Variants in CLN3 observed in about 807,000 individuals in gnomAD.
The protein encoded by CLN3 is battenin.
A neutral mutation model predicts 60.7 loss-of-function variants in CLN3; 49 were observed. That is an observed-to-expected ratio of 0.81 (90% CI 0.64 to 1.02). CLN3 has a LOEUF of 1.02. Ranked by LOEUF, CLN3 falls within the 50% of genes least tolerant of loss-of-function variation. CLN3 has a pLI of 0.00. For missense variants in CLN3, 516 were observed against 557.4 expected (o/e 0.93, Z 0.75); for synonymous variants, 256 against 245.8 (o/e 1.04, Z -0.39).
At chr16:28,468,806 CAAAAAAAA>C in the CLN3 span, among the ~76,000 whole-genome samples, 2 of 24,410 alleles carry the variant, frequency 8.2e-5, no homozygotes, top group African/African-American at 2.7e-4. Context: ...GACTCTGTCT[CAAAAAAAA>C]AAAAAAAAAA....
chr16:28,488,365 G>A (rs2046257663), intron 5 of CLN3: 1 of 365,372 alleles, frequency 2.7e-6, no homozygotes, highest in Non-Finnish European at 4.8e-6. Flanking sequence ...TTTAAGATGG[G>A]GGTCTCACTA....
At position 28,482,179 on chromosome 16, in the gene CLN3, C is replaced by A; in HGVS notation, c.982G>T (p.Ala328Ser). ...GAAGAGCGGGAGGCAAAGACGCCAG[C>A]CTGGTACAGCATCTGGTACCTGAGG... ...QYRWYQMLYQ[A>S]GVFASRSSLR... Residue 328 changes from alanine (A) to serine (S), a missense_variant, in exon 14 of 16, where the codon GCT becomes TCT. Physicochemically the swap from Ala to Ser is moderately conservative, Grantham distance 99 (BLOSUM62 1). Coordinates refer to ENST00000636147, the MANE Select transcript of CLN3 (RefSeq NM_001042432.2). The A allele has an allele frequency of 6.2e-7, 1 of 1,613,432 alleles. No individual in the cohort carries two copies. Among genetic ancestry groups the A allele is most frequent in the African/African-American group, 1.3e-5 (1 of 75,008 alleles).
rs745948575 is a variant in CLN3, at chr16:28,484,035, A to G, written c.761T>C (p.Ile254Thr). ...CTTCGACTCCGGGGCCTCGGTTCTT[A>G]TGAGGGGCTGCCGGGCTGCGCTCTC... ...EAESAARQPLIRTEAPESKPG... is the reference protein window; with the variant it reads ...EAESAARQPLTRTEAPESKPG... Residue 254 changes from isoleucine (I) to threonine (T), a missense_variant, in exon 10 of 16, where the codon ATA becomes ACA. Transcript: ENST00000636147. The G allele has an allele frequency of 1.9e-6, 3 of 1,611,664 alleles. No homozygotes were observed. Among genetic ancestry groups the G allele is most frequent in the Non-Finnish European group, 2.5e-6 (3 of 1,179,108 alleles).
At position 28,492,049 on chromosome 16, in the gene CLN3, T is replaced by C. The variant is rs910324159; in HGVS notation, c.-106A>G. ...AAGAGCAGCAGAATGTTCTGCACTA[T>C]GCAGAGGCCGTTTGTCGGATCACGT... On this transcript the variant is annotated 5_prime_UTR_variant, in exon 1 of 16. Coordinates refer to ENST00000636147, the MANE Select transcript of CLN3 (RefSeq NM_001042432.2). The C allele has an allele frequency of 1.3e-5, 7 of 527,186 alleles. No homozygotes were observed. The highest frequency in any genetic ancestry group is 7.6e-5 in the African/African-American group (4 of 52,574). 32.7% of individuals were successfully genotyped at this position (527,186 alleles called of 1,614,324 possible). A position where few individuals can be genotyped will look rare whatever the true frequency, so the allele number is the denominator to read the frequency against.
At position 28,477,466 on chromosome 16, in the gene CLN3, G is replaced by C; in HGVS notation, c.*50C>G. On this transcript the variant is annotated 3_prime_UTR_variant, in exon 16 of 16. Transcript: ENST00000636147. ...TGGGGTGGGCCTGGGTGTCTGACCT[G>C]TCCCTCTGCCCACAGGTGAATGTGA... The C allele has an allele frequency of 6.2e-7, 1 of 1,610,874 alleles. No individual in the cohort carries two copies. Among genetic ancestry groups the C allele is most frequent in the Non-Finnish European group, 8.5e-7 (1 of 1,179,614 alleles).
chr16:28,480,022 A>G (rs1466346803), intron 14 of CLN3, among the ~76,000 whole-genome samples: 3 of 151,486 alleles, frequency 2.0e-5, no homozygotes, highest in Admixed American at 6.6e-5. Context: ...GTACAGTGGC[A>G]TGATTATGGC....
chr16:28,487,672 G>T lies in CLN3; in HGVS notation c.364C>A (p.Leu122Met), dbSNP rs2141715009. Residue 122 changes from leucine to methionine, a missense_variant, in exon 6 of 16, where the codon CTG (leucine) becomes ATG (methionine). Transcript: ENST00000636147. ...KLLAPLGLHL[L>M]PYSPRVLVSG... ...TACCCTCACCCAGACCTGTAGGGCA[G>T]CAGGTGAAGGCCAAGAGGAGCCAAC... is the stretch of plus-strand genomic sequence containing the variant. 1 of 1,613,334 alleles carries T rather than the reference G, an allele frequency of 6.2e-7. No individual in the cohort carries two copies. Among genetic ancestry groups the T allele is most frequent in the East Asian group, 2.2e-5 (1 of 44,868 alleles).
chr16:28,488,464 T>G, intron 5 of CLN3, 127 bp downstream of exon 5: 1 of 798,632 alleles, frequency 1.3e-6, no homozygotes. Context: ...TGTGAGCCAG[T>G]GCGCCCAGCC....
the CLN3 span, among the ~76,000 whole-genome samples, chr16:28,467,971 A>G: frequency 2.3e-5 from 1 of 43,848 alleles, no homozygotes; most frequent in Non-Finnish European, 4.5e-5. Context: ...CTCATGGCTA[A>G]GACAAGCTAA....
Position 28,482,187 on chromosome 16 carries a change from A to G in CLN3, c.974T>C (p.Leu325Pro). Residue 325 changes from leucine to proline, a missense_variant, in exon 14 of 16, where the codon CTG becomes CCG. By Grantham distance (98) the Leu-to-Pro change is moderately conservative (BLOSUM62 -3). Transcript: ENST00000636147. ...HAQQYRWYQM[L>P]YQAGVFASRS... ...GGAGGCAAAGACGCCAGCCTGGTAC[A>G]GCATCTGGTACCTGAGGTTAGGGTT... 6.2e-7 allele frequency: 1 copy of G among 1,613,196 alleles called. No individual in the cohort carries two copies.
At position 28,487,449 on chromosome 16, in the gene CLN3, C is replaced by A; in HGVS notation, c.460+7G>T. ...GCTCCCCATCTGACACAGAACCACA[C>A]ACTCACCACACAGGCTGGTCCCCAC... is the stretch of plus-strand genomic sequence containing the variant. On this transcript the variant is annotated splice_region_variant and intron_variant, in intron 7 of 15. Transcript: ENST00000636147. 1 of 1,611,990 alleles carries A rather than the reference C, an allele frequency of 6.2e-7. No individual in the cohort carries two copies. Among genetic ancestry groups the A allele is most frequent in the Non-Finnish European group, 8.5e-7 (1 of 1,178,130 alleles).
intron 5 of CLN3, 40 bp downstream of exon 5, chr16:28,488,551 G>A (rs2046260170): frequency 1.3e-6 from 2 of 1,558,002 alleles, no homozygotes; most frequent in African/African-American, 1.4e-5. Flanking sequence ...AGACCCAGGG[G>A]CCCTGGGTCA....
At chr16:28,486,245 G>A in intron 9 of CLN3, 102 bp downstream of exon 9, 1 of 1,490,588 alleles carries the variant, frequency 6.7e-7, no homozygotes, top group Admixed American at 1.7e-5. Context: ...GCCCTCCTTG[G>A]CCTCCCAAAG....
chr16:28,474,524 G>A (rs55690101), downstream of CLN3, among the ~76,000 whole-genome samples: 1,343 of 152,082 alleles, frequency 8.8e-3, 13 homozygotes, highest in Non-Finnish European at 0.014. Context: ...CGGAGGTTGC[G>A]GTGGAAAAAG....
rs2046154314 is a variant in CLN3 at position 28,483,922 on chromosome 16, C to T, written c.790+84G>A. The T allele has an allele frequency of 6.8e-5, 63 of 930,666 alleles. 1 individual carries two copies. In the South Asian group the frequency reaches 8.5e-4, roughly 13 times the overall value. The allele number at this position is 930,666 out of a possible 1,614,324, so 57.7% of individuals were successfully genotyped here. A position where few individuals can be genotyped will look rare whatever the true frequency, so the allele number is the denominator to read the frequency against. On this transcript the variant is annotated intron_variant, in intron 10 of 15. Coordinates refer to ENST00000636147, the MANE Select transcript of CLN3 (RefSeq NM_001042432.2). ...AACCAGTACACTCACTCTCTTTCCC[C>T]TCTTAACTTTGCCTATTGCAGAGAG...
At chr16:28,489,943 GC>G (rs2046285484) in intron 3 of CLN3, among the ~76,000 whole-genome samples, 1 of 151,834 alleles carries the variant, frequency 6.6e-6, no homozygotes, top group Non-Finnish European at 1.5e-5. Flanking sequence ...TGTAATCCTA[GC>G]TACTCAGGAG....
chr16:28,488,512 G>A (rs1479976784), intron 5 of CLN3, 79 bp downstream of exon 5: 6 of 1,236,336 alleles, frequency 4.9e-6, no homozygotes, highest in Non-Finnish European at 2.4e-6. Flanking sequence ...GTCCCAGCTG[G>A]GTAGTGAAGG....
chr16:28,477,325 G>C lies in CLN3; in HGVS notation c.*191C>G. The stretch of plus-strand genomic sequence containing the variant: ...TATTCAGAAGGCATGATGCCAGGAA[G>C]AAACTCCCCAAGTGGGAGACAATGG... On this transcript the variant is annotated 3_prime_UTR_variant, in exon 16 of 16. Transcript: ENST00000636147. 2 of 688,976 alleles carry C rather than the reference G, an allele frequency of 2.9e-6. No homozygotes were observed. The highest frequency in any genetic ancestry group is 5.0e-6 in the Non-Finnish European group (2 of 403,770). 42.7% of individuals were successfully genotyped at this position (688,976 alleles called of 1,614,324 possible).
downstream of CLN3, chr16:28,475,726 AT>A (rs1431723538): frequency 2.0e-5 from 3 of 152,222 alleles, no homozygotes; most frequent in Non-Finnish European, 4.4e-5. Context: ...CAAACTCATG[AT>A]TTTAATAATG....
Sources: allele counts gnomAD v4.1 joint callset (sites outside exome capture counted in the v4.1 genomes callset), GRCh38; gene constraint gnomAD v4.1.1; transcripts MANE v1.5; gene names NCBI Gene and HGNC (gene_info 2026-07-23, HGNC 2026-07-21).